The following TEKT2 variants were observed in gnomAD, a reference collection of about 807,000 sequenced individuals.
TEKT2 encodes the protein tektin 2.
A neutral mutation model predicts 49.8 loss-of-function variants in TEKT2; 45 were observed. The observed-to-expected ratio is 0.90, with a 90% confidence interval of 0.71 to 1.16. The LOEUF (loss-of-function observed/expected upper bound fraction) is 1.16, where lower values mean the gene tolerates loss of function less well. Ranked by LOEUF, TEKT2 falls within the 50% of genes most tolerant of loss-of-function variation. The pLI is 0.00. For missense variants in TEKT2, 523 were observed against 551.4 expected, an observed-to-expected ratio of 0.95 and a Z score of 0.52; for synonymous variants, 202 against 224.6, an observed-to-expected ratio of 0.90 and a Z score of 0.90.
intron 4 of TEKT2, 31 bp downstream of exon 4, chr1:36,086,072 A>C (rs759300659): frequency 5.1e-6 from 8 of 1,553,636 alleles, no homozygotes; most frequent in Admixed American, 2.0e-5. Flanking sequence ...CCGCATGTTC[A>C]TGGGCCCCTG....
Position 36,087,621 on chromosome 1 carries a change from A to G in TEKT2, c.999+39A>G. On this transcript the variant is annotated intron_variant, in intron 8 of 9. Transcript: ENST00000207457. The surrounding 1 kb of genome is among the most constrained non-coding windows in gnomAD (Gnocchi z 4.9). ...CCAGTGGCGCACGGGCCCCCTAGCC[A>G]AGGTTTTCTCATATTCCTGATGGAG... 1 of 1,613,392 alleles carries G rather than the reference A, an allele frequency of 6.2e-7. No individual in the cohort carries two copies. The highest frequency in any genetic ancestry group is 8.5e-7 in the Non-Finnish European group (1 of 1,179,930).
chr1:36,085,617 C>T (rs1643359975), intron 3 of TEKT2: 3 of 575,796 alleles, frequency 5.2e-6, no homozygotes, highest in African/African-American at 2.0e-5. Flanking sequence ...TGGGCTCAAG[C>T]GATTCTCCTG....
chr1:36,084,878 T>A lies in TEKT2; in HGVS notation c.-44T>A, dbSNP rs925746938. The A allele has an allele frequency of 6.2e-7, 1 of 1,612,228 alleles. No homozygotes were observed. The highest frequency in any genetic ancestry group is 1.3e-5 in the African/African-American group (1 of 74,886). On this transcript the variant is annotated 5_prime_UTR_variant, in exon 2 of 10. Coordinates refer to ENST00000207457, the MANE Select transcript of TEKT2 (RefSeq NM_014466.3). This position sits in a 1 kb window ranked among gnomAD's most constrained non-coding sequence, Gnocchi z 4.1. ...GTGTTTTCCCTCTGCAGGTGGTGTC[T>A]GTGAACAGGCCTAGGGGTTTCTGAC...
Position 36,085,094 on chromosome 1 carries a change from C to T in TEKT2, c.156+17C>T. ...AACAACCAGGTTGGGGATGGGAACT[C>T]AGCTGGGTGGGCAAAGGGATAGCCC... is the stretch of plus-strand genomic sequence containing the variant. On this transcript the variant is annotated intron_variant, in intron 2 of 9. Coordinates refer to ENST00000207457, the MANE Select transcript of TEKT2 (RefSeq NM_014466.3). 6.2e-7 allele frequency: 1 copy of T among 1,614,214 alleles called. No homozygotes were observed. The highest frequency in any genetic ancestry group is 8.5e-7 in the Non-Finnish European group (1 of 1,180,048).
rs972419932 is a variant in TEKT2, at chr1:36,084,300, T to A, written c.-53+151T>A. 1.2e-5 allele frequency: 2 copies of A among 160,856 alleles called. No homozygotes were observed. The highest frequency in any genetic ancestry group is 5.8e-5 in the Admixed American group (1 of 17,122). 10.0% of individuals were successfully genotyped at this position (160,856 alleles called of 1,614,324 possible). ...AGCTCTTCCCACGGGGCTCTCCCTG[T>A]CCGGCCTTCCCCTCCAACAGTAGGC... On this transcript the variant is annotated intron_variant, in intron 1 of 9. Transcript: ENST00000207457. This position sits in a 1 kb window ranked among gnomAD's most constrained non-coding sequence, Gnocchi z 4.1.
At position 36,087,561 on chromosome 1, in the gene TEKT2, CG is replaced by C; in HGVS notation, c.979del (p.Val327TrpfsTer19). On this transcript the variant is annotated frameshift_variant, in exon 8 of 10. Coordinates refer to ENST00000207457, the MANE Select transcript of TEKT2 (RefSeq NM_014466.3). LOFTEE classifies it high-confidence loss of function. The surrounding 1 kb of genome is among the most constrained non-coding windows in gnomAD (Gnocchi z 4.9). ...RLEARTYRPN[V>X]ELCRDQAQYG... ...TAGAGGCCAGAACCTACCGGCCCAACGTGGAACTCTGCCGGGACCAGGTGAG... is the reference window on the plus strand; with the variant it reads ...TAGAGGCCAGAACCTACCGGCCCAACTGGAACTCTGCCGGGACCAGGTGAG... 6.2e-7 allele frequency: 1 copy of C among 1,613,826 alleles called. No individual in the cohort carries two copies. Among genetic ancestry groups the C allele is most frequent in the Non-Finnish European group, 8.5e-7 (1 of 1,180,016 alleles).
rs560335590 is a variant in TEKT2 at position 36,086,221 on chromosome 1, G to A, written c.488+180G>A. ...CACTCTTCCCACTGCCTGGACATGG[G>A]CTCAGAATACTTCTCACGACCCTGC... On this transcript the variant is annotated intron_variant, in intron 4 of 9. Coordinates refer to ENST00000207457, the MANE Select transcript of TEKT2 (RefSeq NM_014466.3). 2.1e-4 allele frequency among the ~76,000 whole-genome samples: 32 copies of A among 152,306 alleles called. No individual in the cohort carries two copies. In the South Asian group the frequency reaches 6.2e-3, roughly 30 times the overall value.
In TEKT2 at chr1:36,087,955, G is replaced by A; in HGVS notation, c.1080-18G>A. 1.2e-6 allele frequency: 2 copies of A among 1,604,312 alleles called. No homozygotes were observed. The highest frequency in any genetic ancestry group is 1.7e-5 in the Admixed American group (1 of 58,616). On this transcript the variant is annotated intron_variant, in intron 9 of 9. Transcript: ENST00000207457. The surrounding 1 kb of genome is among the most constrained non-coding windows in gnomAD (Gnocchi z 4.9). ...CCAGCCTCATGGGGGCTGGGGGGTT[G>A]TCAATGTCCTTCCCTAGGGACGCAC...
At chr1:36,086,181 A>G (rs1167137727) in intron 4 of TEKT2, 140 bp downstream of exon 4, 2 of 903,922 alleles carry the variant, frequency 2.2e-6, no homozygotes, top group Non-Finnish European at 3.6e-6. Context: ...GACAGAAACC[A>G]CTAATCAATT....
chr1:36,085,811 T>G (rs1016907023), intron 3 of TEKT2, 25 bp from the exon 4 acceptor site: 4 of 1,607,376 alleles, frequency 2.5e-6, no homozygotes, highest in Non-Finnish European at 3.4e-6. Context: ...TGAGCCACCG[T>G]GCCCGGCCGC....
Position 36,087,303 on chromosome 1 carries a change from G to A in TEKT2, c.847G>A (p.Glu283Lys), listed in dbSNP as rs747314049. 1.3e-5 allele frequency: 21 copies of A among 1,613,998 alleles called. No homozygotes were observed. Among genetic ancestry groups the A allele is most frequent in the Non-Finnish European group, 8.5e-7 (1 of 1,180,050 alleles). The change falls in exon 7 of 10, where the codon GAG becomes AAG. Residue 283 changes from glutamate to lysine, a missense_variant. Transcript: ENST00000207457. The surrounding 1 kb of genome is among the most constrained non-coding windows in gnomAD (Gnocchi z 4.9). ...EKVYSELKWQ[E>K]KNTLEEIAEL... The stretch of plus-strand genomic sequence containing the variant: ...AGTGTACAGTGAGCTCAAGTGGCAA[G>A]AGAAGAATGTGAGCATCTCCAGGGG...
chr1:36,088,141 T>C lies in TEKT2; in HGVS notation c.1248T>C (p.Asn416=), dbSNP rs930804878. ...PEVDTFTRTT[N]STLSPLKSCQ... is the part of the protein sequence containing the mutation. ...TGGACACCTTCACACGTACCACAAA[T>C]AGCACCCTGAGTCCACTCAAAAGCT... The change falls in exon 10 of 10, where the codon AAT becomes AAC. Residue 416 remains asparagine (N), a synonymous_variant. Transcript: ENST00000207457. The C allele has an allele frequency of 1.9e-6, 3 of 1,612,544 alleles. No individual in the cohort carries two copies. In the Admixed American group the frequency reaches 5.0e-5, roughly 27 times the overall value.
rs750876496 is a variant in TEKT2 at position 36,087,764 on chromosome 1, G to A, written c.1036G>A (p.Glu346Lys). 2 of 1,613,858 alleles carry A rather than the reference G, an allele frequency of 1.2e-6. No homozygotes were observed. Among genetic ancestry groups the A allele is most frequent in the Non-Finnish European group, 1.7e-6 (2 of 1,180,022 alleles). ...CCTCACCGACGAGGTTCACCAGCTA[G>A]AGGCAACCATCGCTGCCCTGAAGCA... Reference protein sequence around the residue: ...YGLTDEVHQLEATIAALKQKL... With the variant: ...YGLTDEVHQLKATIAALKQKL... The change falls in exon 9 of 10, where the codon GAG (glutamate) becomes AAG (lysine). Residue 346 changes from glutamate (E) to lysine (K), a missense_variant. Coordinates refer to ENST00000207457, the MANE Select transcript of TEKT2 (RefSeq NM_014466.3). This position sits in a 1 kb window ranked among gnomAD's most constrained non-coding sequence, Gnocchi z 4.9.
At position 36,084,834 on chromosome 1, in the gene TEKT2, G is replaced by GGAAAGGTCTCCC; in HGVS notation, c.-52-34_-52-23dup. On this transcript the variant is annotated intron_variant, in intron 1 of 9. Transcript: ENST00000207457. The surrounding 1 kb of genome is among the most constrained non-coding windows in gnomAD (Gnocchi z 4.1). ...GGGGCGTGTGATCCAGGAGGTCTCC[G>GGAAAGGTCTCCC]GAAAGGTCTCCCGCAGCAGTGTTTT... is the stretch of plus-strand genomic sequence containing the variant. 6.3e-7 allele frequency: 1 copy of GGAAAGGTCTCCC among 1,598,648 alleles called. No homozygotes were observed.
chr1:36,085,423 G>C, intron 3 of TEKT2, 135 bp downstream of exon 3: 3 of 1,383,528 alleles, frequency 2.2e-6, no homozygotes, highest in Non-Finnish European at 3.0e-6. Context: ...TGCTAAAGTG[G>C]GGACAAGCGC....
At position 36,087,369 on chromosome 1, in the gene TEKT2, G is replaced by C; in HGVS notation, c.855+58G>C. On this transcript the variant is annotated intron_variant, in intron 7 of 9. Transcript: ENST00000207457. The surrounding 1 kb of genome is among the most constrained non-coding windows in gnomAD (Gnocchi z 4.9). Reference sequence around the variant, plus strand: ...GTGGGATGAGAAGCCGCATGCCCCCGCCAGGAGGCACTGGACCAGGCATGC... The same window carrying C: ...GTGGGATGAGAAGCCGCATGCCCCCCCCAGGAGGCACTGGACCAGGCATGC... 6.2e-7 allele frequency: 1 copy of C among 1,613,568 alleles called. No individual in the cohort carries two copies. The highest frequency in any genetic ancestry group is 1.6e-4 in the Middle Eastern group (1 of 6,062).
At chr1:36,085,507 C>CTTTTTTTTTTTTTTTTTTTT (rs1159834731) in intron 3 of TEKT2, among the ~76,000 whole-genome samples, 1 of 82,554 alleles carries the variant, frequency 1.2e-5, no homozygotes, top group African/African-American at 5.7e-5. Context: ...TCTTTCTTTT[C>CTTTTTTTTTTTTTTTTTTTT]TTTTTTTTTT....
chr1:36,087,164 G>C lies in TEKT2; in HGVS notation c.748-40G>C. ...TTGAGTAATATCCTCAGGCAGCCCTGAGTGTAGACCCTCCCCTTGCCCTGT... is the reference window on the plus strand; with the variant it reads ...TTGAGTAATATCCTCAGGCAGCCCTCAGTGTAGACCCTCCCCTTGCCCTGT... On this transcript the variant is annotated intron_variant, in intron 6 of 9. Transcript: ENST00000207457. This position sits in a 1 kb window ranked among gnomAD's most constrained non-coding sequence, Gnocchi z 4.9. 3 of 1,612,436 alleles carry C rather than the reference G, an allele frequency of 1.9e-6. No homozygotes were observed. Among genetic ancestry groups the C allele is most frequent in the Non-Finnish European group, 2.5e-6 (3 of 1,178,726 alleles).
chr1:36,085,827 C>A lies in TEKT2; in HGVS notation c.283-9C>A. On this transcript the variant is annotated splice_polypyrimidine_tract_variant and intron_variant, in intron 3 of 9. Coordinates refer to ENST00000207457, the MANE Select transcript of TEKT2 (RefSeq NM_014466.3). ...GAGCCACCGTGCCCGGCCGCGCCCTCTTTTCTAGATGAAGGAGTCAGCAGA... is the reference window on the plus strand; with the variant it reads ...GAGCCACCGTGCCCGGCCGCGCCCTATTTTCTAGATGAAGGAGTCAGCAGA... 1.2e-6 allele frequency: 2 copies of A among 1,612,896 alleles called. No homozygotes were observed. Among genetic ancestry groups the A allele is most frequent in the Non-Finnish European group, 1.7e-6 (2 of 1,179,618 alleles).
Sources: gnomAD v4.1 joint callset for allele counts (sites outside exome capture counted in the v4.1 genomes callset) on GRCh38, gnomAD v4.1.1 for gene constraint, Gnocchi (gnomAD v3.1) non-coding constraint, MANE v1.5 for transcripts, NCBI Gene and HGNC (gene_info 2026-07-23, HGNC 2026-07-21) for gene names.